Variants in C12orf42 observed in about 807,000 individuals in gnomAD.
The protein encoded by C12orf42 is chromosome 12 open reading frame 42.
A neutral mutation model predicts 21.6 loss-of-function variants in C12orf42; 25 were observed. That is an observed-to-expected ratio of 1.16 (90% CI 0.84 to 1.62). The LOEUF (loss-of-function observed/expected upper bound fraction) is 1.62, where lower values mean the gene tolerates loss of function less well. Among genes scored for constraint, C12orf42 ranks in the 40% most tolerant of loss-of-function variants. The pLI is 0.00. For missense variants in C12orf42, 483 were observed against 459.3 expected, an observed-to-expected ratio of 1.05 and a Z score of -0.47; for synonymous variants, 174 against 175.0, an observed-to-expected ratio of 0.99 and a Z score of 0.05.
chr12:103,462,776 C>G (rs1952823756), intron 2 of C12orf42, among the ~76,000 whole-genome samples: 1 of 152,144 alleles, frequency 6.6e-6, no homozygotes, highest in African/African-American at 2.4e-5. Flanking sequence ...TATTCAAGAA[C>G]AAATGGTAGG....
At chr12:103,165,770 G>A in the C12orf42 span, among the ~76,000 whole-genome samples, 2 of 151,868 alleles carry the variant, frequency 1.3e-5, no homozygotes, top group African/African-American at 2.4e-5. Flanking sequence ...GGCCGGGCGC[G>A]GTGGCTCACG....
chr12:103,078,461 A>G, the C12orf42 span, among the ~76,000 whole-genome samples: 2 of 152,160 alleles, frequency 1.3e-5, no homozygotes, highest in Non-Finnish European at 2.9e-5. Context: ...TTGCTACTAT[A>G]TTCTATAAAC....
At chr12:103,341,112 C>CAAAAAAAAAAAAA (rs34154888) in intron 4 of C12orf42, among the ~76,000 whole-genome samples, 1 of 47,684 alleles carries the variant, frequency 2.1e-5, no homozygotes, top group African/African-American at 8.0e-5. Flanking sequence ...GACTCTGTCT[C>CAAAAAAAAAAAAA]AAAAAAAAAA....
intron 4 of C12orf42, among the ~76,000 whole-genome samples, chr12:103,308,038 C>T (rs2038548643): frequency 6.6e-6 from 1 of 152,076 alleles, no homozygotes; most frequent in Non-Finnish European, 1.5e-5. Context: ...CCTGATTCTA[C>T]AAAATACTAG....
chr12:103,115,713 G>C, the C12orf42 span, among the ~76,000 whole-genome samples: 12 of 152,300 alleles, frequency 7.9e-5, 1 homozygote, highest in Admixed American at 3.9e-4. Context: ...CCAAAAGTTA[G>C]TTCAAAGACC....
intron 2 of C12orf42, among the ~76,000 whole-genome samples, chr12:103,452,719 C>T (rs1476730933): frequency 6.6e-6 from 1 of 152,068 alleles, no homozygotes; most frequent in Non-Finnish European, 1.5e-5. Flanking sequence ...AGTTCATGTC[C>T]TTTGCAGGGA....
chr12:103,502,539 C>G, the C12orf42 span, among the ~76,000 whole-genome samples: 1 of 152,122 alleles, frequency 6.6e-6, no homozygotes, highest in Non-Finnish European at 1.5e-5. Flanking sequence ...CAGGAACACT[C>G]TTTCCCAGGT....
At chr12:103,237,207 A>C (rs1051291586), downstream of C12orf42, among the ~76,000 whole-genome samples, 2 of 152,198 alleles carry the variant, frequency 1.3e-5, no homozygotes, top group African/African-American at 4.8e-5. Context: ...AAACTCCCTC[A>C]ATATCAGTGT....
At chr12:103,506,567 A>G in the C12orf42 span, among the ~76,000 whole-genome samples, 2 of 151,638 alleles carry the variant, frequency 1.3e-5, no homozygotes, top group South Asian at 2.1e-4. Flanking sequence ...TCAGTATAGT[A>G]ACATGTTGTG....
rs779131204 is a variant in C12orf42, at chr12:103,302,432, G to T, written c.759C>A (p.Gly253=). ...EPEERMAVPA[G]AQAHPDDIQS... is the part of the protein sequence containing the mutation. ...GGATGTCGTCGGGGTGTGCCTGAGC[G>T]CCTGCTGGGACTGCCATCCTCTCCT... is the stretch of plus-strand genomic sequence containing the variant. The change falls in exon 6 of 6, where the codon GGC becomes GGA. Residue 253 remains glycine, a synonymous_variant. Coordinates refer to ENST00000548883, the MANE Select transcript of C12orf42 (RefSeq NM_198521.5). 5 of 1,613,870 alleles carry T rather than the reference G, an allele frequency of 3.1e-6. No homozygotes were observed. In the South Asian group the frequency reaches 3.3e-5, roughly 11 times the overall value.
At chr12:103,423,300 T>C (rs765948475) in intron 2 of C12orf42, among the ~76,000 whole-genome samples, 5 of 152,126 alleles carry the variant, frequency 3.3e-5, no homozygotes, top group African/African-American at 4.8e-5. Context: ...ATGCTGTAAA[T>C]AGAGACATCT....
chr12:103,266,539 A>T (rs1222495802), downstream of C12orf42, among the ~76,000 whole-genome samples: 1 of 152,174 alleles, frequency 6.6e-6, no homozygotes, highest in Non-Finnish European at 1.5e-5. Flanking sequence ...AATAGAAAAA[A>T]GCAAAGAAAA....
At chr12:103,364,989 T>TAGC (rs575838242) in intron 4 of C12orf42, among the ~76,000 whole-genome samples, 16 of 151,998 alleles carry the variant, frequency 1.1e-4, no homozygotes, top group Middle Eastern at 3.4e-3. Context: ...ATGAAGCCAG[T>TAGC]AGCACCCTAA....
In C12orf42 at chr12:103,453,250, A is replaced by G. The variant is rs138389619; in HGVS notation, c.78+25099T>C. ...CTTCTTAGATTATTATTTATCTTAT[A>G]TAAAGGTTTATATAAAGTTATATTT... On this transcript the variant is annotated intron_variant, in intron 2 of 5. Transcript: ENST00000548883. Among the ~76,000 whole-genome samples, 27 of 151,860 alleles carry G rather than the reference A, an allele frequency of 1.8e-4. No homozygotes were observed. In the East Asian group the frequency reaches 4.4e-3, roughly 25 times the overall value.
the C12orf42 span, among the ~76,000 whole-genome samples, chr12:103,147,908 T>C: frequency 6.6e-6 from 1 of 152,142 alleles, no homozygotes; most frequent in Non-Finnish European, 1.5e-5. Context: ...ACCAACTTTG[T>C]GGTTTAACTT....
At chr12:103,524,061 ATTC>A in the C12orf42 span, among the ~76,000 whole-genome samples, 1 of 152,172 alleles carries the variant, frequency 6.6e-6, no homozygotes, top group Non-Finnish European at 1.5e-5. Context: ...GTTTAATTCA[ATTC>A]TTCTCCTTGC....
the C12orf42 span, among the ~76,000 whole-genome samples, chr12:103,547,335 A>G: frequency 1.3e-5 from 2 of 152,228 alleles, no homozygotes; most frequent in Admixed American, 1.3e-4. Flanking sequence ...CAGATACAGA[A>G]CATTTCCATT....
intron 4 of C12orf42, among the ~76,000 whole-genome samples, chr12:103,327,832 T>C (rs1188487816): frequency 6.6e-6 from 1 of 152,208 alleles, no homozygotes; most frequent in African/African-American, 2.4e-5. Flanking sequence ...TTTTCAACAC[T>C]AGAAATTCAG....
At chr12:103,068,981 ATATATATAT>A in the C12orf42 span, among the ~76,000 whole-genome samples, 1 of 99,472 alleles carries the variant, frequency 1.0e-5, no homozygotes, top group Non-Finnish European at 2.0e-5. Flanking sequence ...ATATATATAT[ATATATATAT>A]AATCCTATTA....
Sources: gnomAD v4.1 joint callset for allele counts (sites outside exome capture counted in the v4.1 genomes callset) on GRCh38, gnomAD v4.1.1 for gene constraint, MANE v1.5 for transcripts, NCBI Gene and HGNC (gene_info 2026-07-23, HGNC 2026-07-21) for gene names.